Variants in PTPN12 observed in about 807,000 individuals in gnomAD.
The protein encoded by PTPN12 is protein tyrosine phosphatase non-receptor type 12.
Under a neutral mutation model 97.6 loss-of-function variants are expected in PTPN12, and 29 were observed. The ratio of observed to expected loss-of-function variants is 0.30; its 90% CI spans 0.22 to 0.41. The LOEUF (loss-of-function observed/expected upper bound fraction) is 0.41. PTPN12 is among the 10% of genes least tolerant of loss of function. The pLI is 1.00. For missense variants in PTPN12, 819 were observed against 926.0 expected (o/e 0.88, Z 1.50); for synonymous variants, 327 against 300.4 (o/e 1.09, Z -0.91).
In PTPN12 at chr7:77,610,996, C is replaced by T; in HGVS notation, c.889C>T (p.Gln297Ter). The T allele has an allele frequency of 6.2e-7, 1 of 1,613,408 alleles. No individual in the cohort carries two copies. Among genetic ancestry groups the T allele is most frequent in the Middle Eastern group, 1.7e-4 (1 of 6,024 alleles). Residue 297 changes from glutamine to a stop codon, truncating the protein, a stop_gained, in exon 11 of 18, where the codon CAG (glutamine) becomes TAG (stop). Coordinates refer to ENST00000248594, the MANE Select transcript of PTPN12 (RefSeq NM_002835.4). LOFTEE classifies it high-confidence loss of function. Reference protein sequence around the residue: ...HRAIAQLFEKQLQLYEIHGAQ... With the variant: ...HRAIAQLFEK ...AGCTATTGCCCAACTGTTTGAAAAACAGCTACAACTATATGAAATTCATGG... is the reference window on the plus strand; with the variant it reads ...AGCTATTGCCCAACTGTTTGAAAAATAGCTACAACTATATGAAATTCATGG...
intron 1 of PTPN12, among the ~76,000 whole-genome samples, chr7:77,562,156 C>T (rs997086938): frequency 2.6e-5 from 4 of 152,110 alleles, no homozygotes; most frequent in African/African-American, 9.7e-5. Flanking sequence ...TGGGTTCAAG[C>T]GATTCTCCTG....
At chr7:77,584,152 T>G (rs1160036682) in intron 4 of PTPN12, among the ~76,000 whole-genome samples, 2 of 152,118 alleles carry the variant, frequency 1.3e-5, no homozygotes, top group Non-Finnish European at 2.9e-5. Context: ...ATTAGAATAC[T>G]GCGAAGAGCT....
chr7:77,637,944 A>ATTT (rs1421411134), intron 16 of PTPN12, among the ~76,000 whole-genome samples: 2,289 of 89,422 alleles, frequency 0.026, 580 homozygotes, highest in East Asian at 0.059. Context: ...GATTTCTTAA[A>ATTT]ATTTTTTTTT....
chr7:77,569,054 A>C (rs1435452636), intron 1 of PTPN12, among the ~76,000 whole-genome samples: 1 of 152,160 alleles, frequency 6.6e-6, no homozygotes, highest in Non-Finnish European at 1.5e-5. Flanking sequence ...CAATTTTTTG[A>C]ACAGGCAATA....
chr7:77,611,758 A>G (rs1388687172), intron 11 of PTPN12, among the ~76,000 whole-genome samples: 2 of 152,058 alleles, frequency 1.3e-5, no homozygotes, highest in Non-Finnish European at 2.9e-5. Flanking sequence ...GGCCTTGTGT[A>G]TATGCTTTTC....
At chr7:77,618,379 A>T in intron 11 of PTPN12, 101 bp from the exon 12 acceptor site, 1 of 754,610 alleles carries the variant, frequency 1.3e-6, no homozygotes, top group South Asian at 2.4e-5. Context: ...CAAAATTGGC[A>T]TTGTTTAAGG....
intron 1 of PTPN12, among the ~76,000 whole-genome samples, chr7:77,538,345 G>T (rs1362545741): frequency 6.6e-6 from 1 of 152,032 alleles, no homozygotes; most frequent in Non-Finnish European, 1.5e-5. Flanking sequence ...GATAAGTGTG[G>T]GTGGGGGAAT....
At chr7:77,618,413 A>C (rs1403178035) in intron 11 of PTPN12, 67 bp from the exon 12 acceptor site, 40 of 1,032,150 alleles carry the variant, frequency 3.9e-5, no homozygotes, top group Non-Finnish European at 5.4e-5. Context: ...GAAACAATTT[A>C]GTTGAAACAT....
intron 14 of PTPN12, among the ~76,000 whole-genome samples, chr7:77,633,809 G>A (rs541322607): frequency 6.6e-6 from 1 of 151,834 alleles, no homozygotes; most frequent in South Asian, 2.1e-4. Context: ...GATTGCTTGA[G>A]CCTAAGAGTT....
chr7:77,614,648 G>A (rs1788690904), intron 11 of PTPN12, among the ~76,000 whole-genome samples: 1 of 152,128 alleles, frequency 6.6e-6, no homozygotes, highest in African/African-American at 2.4e-5. Flanking sequence ...CATGTTTTCT[G>A]TAAACTTGTA....
chr7:77,537,982 G>A, intron 1 of PTPN12: 4 of 985,564 alleles, frequency 4.1e-6, no homozygotes, highest in South Asian at 3.3e-5. Context: ...GCAGGCCGGG[G>A]GGGGGGGCTC....
At chr7:77,621,098 T>TTTTA (rs368653341) in intron 12 of PTPN12, among the ~76,000 whole-genome samples, 1,555 of 151,674 alleles carry the variant, frequency 0.01, 30 homozygotes, top group African/African-American at 0.034. Flanking sequence ...TATATTTCAT[T>TTTTA]TTTATTTATT....
intron 6 of PTPN12, 36 bp from the exon 7 acceptor site, chr7:77,597,806 G>T: frequency 1.3e-6 from 2 of 1,588,156 alleles, no homozygotes; most frequent in Non-Finnish European, 1.7e-6. Context: ...TTGTTTTAAC[G>T]TTTTCACTGA....
chr7:77,566,925 TAATTA>T (rs1366857903), intron 1 of PTPN12, among the ~76,000 whole-genome samples: 1 of 152,000 alleles, frequency 6.6e-6, no homozygotes, highest in Non-Finnish European at 1.5e-5. Flanking sequence ...TTATATGAAA[TAATTA>T]AATTATATAA....
intron 5 of PTPN12, among the ~76,000 whole-genome samples, chr7:77,589,339 T>TA (rs1320068029): frequency 5.3e-5 from 8 of 152,210 alleles, no homozygotes; most frequent in African/African-American, 1.9e-4. Flanking sequence ...GCTATTCTGG[T>TA]ATCCTACAGC....
intron 1 of PTPN12, among the ~76,000 whole-genome samples, chr7:77,569,329 T>C (rs910493115): frequency 6.6e-6 from 1 of 152,226 alleles, no homozygotes; most frequent in African/African-American, 2.4e-5. Flanking sequence ...ATACTTAATA[T>C]GTATTTTTCA....
chr7:77,566,621 C>T (rs575599833), intron 1 of PTPN12, among the ~76,000 whole-genome samples: 22 of 152,184 alleles, frequency 1.4e-4, no homozygotes, highest in African/African-American at 4.8e-4. Flanking sequence ...CGCTAAGGGA[C>T]GCTGAGGTGG....
intron 2 of PTPN12, among the ~76,000 whole-genome samples, chr7:77,578,573 G>C (rs989308219): frequency 3.9e-5 from 6 of 152,038 alleles, no homozygotes; most frequent in African/African-American, 1.4e-4. Flanking sequence ...TAGCAGAACT[G>C]GGCCTTTAGT....
chr7:77,628,953 A>T (rs1789299310), intron 13 of PTPN12, among the ~76,000 whole-genome samples: 1 of 152,046 alleles, frequency 6.6e-6, no homozygotes, highest in African/African-American at 2.4e-5. Flanking sequence ...GGTAGACTAG[A>T]TGACAGTCTT....
Sources: gnomAD v4.1 joint callset for allele counts (sites outside exome capture counted in the v4.1 genomes callset) on GRCh38, gnomAD v4.1.1 for gene constraint, MANE v1.5 for transcripts, NCBI Gene and HGNC (gene_info 2026-07-23, HGNC 2026-07-21) for gene names.